The following NOC3L variants were observed in gnomAD, a reference collection of about 807,000 sequenced individuals.
NOC3L encodes NOC3 like DNA replication regulator.
In NOC3L, 85 loss-of-function variants were observed where a neutral mutation model predicts 102.5. The ratio of observed to expected loss-of-function variants is 0.83; its 90% CI spans 0.70 to 0.99. The LOEUF (loss-of-function observed/expected upper bound fraction) is 0.99. NOC3L is among the 50% of genes least tolerant of loss of function. The pLI is 0.00. For synonymous variants in NOC3L, 303 were observed against 309.4 expected (o/e 0.98, Z 0.22); for missense variants, 878 against 914.9 (o/e 0.96, Z 0.52).
At chr10:94,352,714 G>A (rs1210779338) in intron 7 of NOC3L, among the ~76,000 whole-genome samples, 182 bp downstream of exon 7, 3 of 152,052 alleles carry the variant, frequency 2.0e-5, no homozygotes, top group Non-Finnish European at 4.4e-5. Flanking sequence ...CCCAGCTACT[G>A]AGGGGGCTGA....
rs747134373 is a variant in NOC3L at position 94,339,911 on chromosome 10, T to A, written c.1790A>T (p.Asn597Ile). The A allele has an allele frequency of 8.1e-6, 13 of 1,613,542 alleles. No homozygotes were observed. The highest frequency in any genetic ancestry group is 1.0e-5 in the Non-Finnish European group (12 of 1,179,732). ...TLFKLHAGAT[N>I]EGVEIVLQCL... is the part of the protein sequence containing the mutation. ...CTGGAGTACAATCTCAACACCTTCATTGGTAGCACCTAAAACAGCAGACAT... is the reference window on the plus strand; with the variant it reads ...CTGGAGTACAATCTCAACACCTTCAATGGTAGCACCTAAAACAGCAGACAT... The change falls in exon 17 of 21, where the codon AAT (asparagine) becomes ATT (isoleucine). Residue 597 changes from asparagine to isoleucine, a missense_variant. Transcript: ENST00000371361.
chr10:94,319,947 G>A, the NOC3L span, among the ~76,000 whole-genome samples: 1 of 138,754 alleles, frequency 7.2e-6, no homozygotes, highest in East Asian at 2.1e-4. Flanking sequence ...TCAGCTCACT[G>A]CAAATTCCGC....
intron 7 of NOC3L, among the ~76,000 whole-genome samples, chr10:94,352,637 C>T (rs543143474): frequency 3.0e-4 from 45 of 151,994 alleles, no homozygotes; most frequent in Non-Finnish European, 6.2e-4. Flanking sequence ...GCCTGGCCAA[C>T]GTGGGGAAAC....
At position 94,334,647 on chromosome 10, in the gene NOC3L, T is replaced by A. The variant is rs2054196618; in HGVS notation, c.2261A>T (p.Asn754Ile). The change falls in exon 20 of 21, where the codon AAC becomes ATC. Residue 754 changes from asparagine (N) to isoleucine (I), a missense_variant. Asn to Ile is a moderately radical substitution (Grantham distance 149). Transcript: ENST00000371361. ...AATATCCCATACCTTTATTTTGGGG[T>A]TTGAAGATTCAACAGGAGGATTGAA... is the stretch of plus-strand genomic sequence containing the variant. ...MTFNPPVESS[N>I]PKIKGKFLQG... The A allele has an allele frequency of 6.2e-7, 1 of 1,612,238 alleles. No homozygotes were observed. Among genetic ancestry groups the A allele is most frequent in the Non-Finnish European group, 8.5e-7 (1 of 1,179,174 alleles).
rs149695235 is a variant in NOC3L, at chr10:94,350,131, C to T, written c.1110G>A (p.Met370Ile). ...AACTCACCAATTTTGACATGTCATT[C>T]ATGAGAGGGACAATCAATACGATGA... The part of the protein sequence containing the change: ...NNIIVLIVPL[M>I]NDMSKLISEM... Residue 370 changes from methionine to isoleucine, a missense_variant, in exon 9 of 21, where the codon ATG (methionine) becomes ATA (isoleucine). By Grantham distance (10) the Met-to-Ile change is conservative (BLOSUM62 1). Coordinates refer to ENST00000371361, the MANE Select transcript of NOC3L (RefSeq NM_022451.11). 1.7e-3 allele frequency: 2,764 copies of T among 1,614,052 alleles called. 4 individuals are homozygous for T. Among genetic ancestry groups the T allele is most frequent in the Middle Eastern group, 2.5e-3 (15 of 6,062 alleles).
Position 94,333,269 on chromosome 10 carries a change from T to C in NOC3L, c.*908A>G, listed in dbSNP as rs181647595. The C allele has an allele frequency of 6.6e-4, 101 of 152,260 alleles. No homozygotes were observed. Among genetic ancestry groups the C allele is most frequent in the Admixed American group, 1.7e-3 (26 of 15,290 alleles). The allele number at this position is 152,260 out of a possible 1,614,324, so 9.4% of individuals were successfully genotyped here. A position where few individuals can be genotyped will look rare whatever the true frequency, so the allele number is the denominator to read the frequency against. ...AGCTGTTTTATTCAACTATTCACAATAGAGAATATTTATAATCTAGTCACT... is the reference window on the plus strand; with the variant it reads ...AGCTGTTTTATTCAACTATTCACAACAGAGAATATTTATAATCTAGTCACT... On this transcript the variant is annotated 3_prime_UTR_variant, in exon 21 of 21. Coordinates refer to ENST00000371361, the MANE Select transcript of NOC3L (RefSeq NM_022451.11).
intron 19 of NOC3L, among the ~76,000 whole-genome samples, chr10:94,337,115 T>G (rs1182092391): frequency 6.6e-6 from 1 of 151,840 alleles, no homozygotes; most frequent in Admixed American, 6.6e-5. Context: ...TTTCTGTACT[T>G]GTGAAAATTT....
In NOC3L at chr10:94,334,573, G is replaced by T. The variant is rs1050882918; in HGVS notation, c.2274+61C>A. ...AAAATAATTAAGCAAACTGGAGTTA[G>T]AGTTATTGAGATACATTGGTTTCTA... On this transcript the variant is annotated intron_variant, in intron 20 of 20. Transcript: ENST00000371361. 2.2e-5 allele frequency: 26 copies of T among 1,197,054 alleles called. No individual in the cohort carries two copies. In the South Asian group the frequency reaches 3.2e-4, roughly 15 times the overall value. The allele number at this position is 1,197,054 out of a possible 1,614,324, so 74.2% of individuals were successfully genotyped here.
chr10:94,357,238 T>A lies in NOC3L; in HGVS notation c.444A>T (p.Glu148Asp). 6.2e-7 allele frequency: 1 copy of A among 1,609,308 alleles called. No individual in the cohort carries two copies. The highest frequency in any genetic ancestry group is 1.1e-5 in the South Asian group (1 of 90,104). ...CTTTGATAGGAAGTAAATGAATCAG[T>A]TCCTTCTCTGGTGCAGTTTGCAGAG... Reference protein sequence around the residue: ...PRTLQTAPEKELIHLLPIKDK... With the variant: ...PRTLQTAPEKDLIHLLPIKDK... Residue 148 changes from glutamate to aspartate, a missense_variant, in exon 4 of 21, where the codon GAA becomes GAT. By Grantham distance (45) the Glu-to-Asp change is conservative (BLOSUM62 2). Coordinates refer to ENST00000371361, the MANE Select transcript of NOC3L (RefSeq NM_022451.11).
At chr10:94,335,091 A>G (rs1013771417) in intron 19 of NOC3L, among the ~76,000 whole-genome samples, 9 of 152,244 alleles carry the variant, frequency 5.9e-5, no homozygotes, top group Non-Finnish European at 1.0e-4. Context: ...GACTTAGAAC[A>G]CAGCTCAACT....
At chr10:94,331,396 C>T (rs941715863), downstream of NOC3L, 9 of 152,214 alleles carry the variant, frequency 5.9e-5, no homozygotes, top group African/African-American at 1.9e-4. Flanking sequence ...CAGAGACCCA[C>T]AGGCCTTGCT....
intron 2 of NOC3L, among the ~76,000 whole-genome samples, chr10:94,360,248 G>A (rs952303172): frequency 1.4e-4 from 22 of 152,110 alleles, no homozygotes; most frequent in African/African-American, 4.6e-4. Flanking sequence ...CTGGGGAGTC[G>A]GGGGTTGCAG....
chr10:94,356,303 G>A (rs2054483225), intron 5 of NOC3L, among the ~76,000 whole-genome samples: 1 of 152,098 alleles, frequency 6.6e-6, no homozygotes, highest in African/African-American at 2.4e-5. Context: ...CTTCTTGTAT[G>A]CCTAGATATT....
chr10:94,349,170 A>G, intron 10 of NOC3L, 80 bp downstream of exon 10: 4 of 1,473,730 alleles, frequency 2.7e-6, no homozygotes, highest in Non-Finnish European at 3.6e-6. Context: ...TACACTTATA[A>G]GGAATAAATT....
the NOC3L span, chr10:94,324,206 C>G: frequency 2.6e-6 from 2 of 760,526 alleles, no homozygotes; most frequent in Non-Finnish European, 4.7e-6. Flanking sequence ...TATACAACTG[C>G]AAAATGAGTT....
chr10:94,337,806 A>C lies in NOC3L; in HGVS notation c.2160T>G (p.Ser720=), dbSNP rs1313808620. The change falls in exon 19 of 21, where the codon TCT becomes TCG. Residue 720 remains serine (S), a synonymous_variant. Coordinates refer to ENST00000371361, the MANE Select transcript of NOC3L (RefSeq NM_022451.11). The part of the protein sequence containing the change: ...HLIAGAPSEG[S]GALKPELSRR... ...GACTCAACTCTGGTTTGAGTGCTCC[A>C]GAGCCTTCAGAAGGTGCTCCAGCGA... 1 of 1,613,948 alleles carries C rather than the reference A, an allele frequency of 6.2e-7. No homozygotes were observed. The highest frequency in any genetic ancestry group is 8.5e-7 in the Non-Finnish European group (1 of 1,179,850).
chr10:94,315,790 A>G, the NOC3L span, among the ~76,000 whole-genome samples: 1 of 139,184 alleles, frequency 7.2e-6, no homozygotes, highest in Middle Eastern at 3.7e-3. Flanking sequence ...AAAAAAAAAA[A>G]GTAACTATAA....
intron 6 of NOC3L, 91 bp downstream of exon 6, chr10:94,354,871 AG>A: frequency 1.6e-6 from 2 of 1,258,392 alleles, no homozygotes; most frequent in Non-Finnish European, 2.2e-6. Flanking sequence ...TTTTCCTTTT[AG>A]TGTATGCTTA....
intron 2 of NOC3L, among the ~76,000 whole-genome samples, chr10:94,359,930 G>A (rs74825688): frequency 0.064 from 9,758 of 152,116 alleles, 392 homozygotes; most frequent in Middle Eastern, 0.14. Flanking sequence ...TCAGTATACC[G>A]AACAGATATC....
Sources: gnomAD v4.1 joint callset for allele counts (sites outside exome capture counted in the v4.1 genomes callset) on GRCh38, gnomAD v4.1.1 for gene constraint, MANE v1.5 for transcripts, NCBI Gene and HGNC (gene_info 2026-07-23, HGNC 2026-07-21) for gene names.